ARFGEF2: variants seen among roughly 807,000 people sequenced by gnomAD.
The protein encoded by ARFGEF2 is ARF guanine nucleotide exchange factor 2, also known as brefeldin A-inhibited guanine nucleotide-exchange protein 2.
Under a neutral mutation model 219.9 loss-of-function variants are expected in ARFGEF2, and 74 were observed. That is an observed-to-expected ratio of 0.34 (90% CI 0.28 to 0.41). The LOEUF (loss-of-function observed/expected upper bound fraction) is 0.41. Ranked by LOEUF, ARFGEF2 falls within the 10% of genes least tolerant of loss-of-function variation. The pLI, the probability that ARFGEF2 is intolerant of heterozygous loss-of-function variation, is 1.00. For missense variants in ARFGEF2, 1,743 were observed against 2,218.3 expected (o/e 0.79, Z 4.30); for synonymous variants, 733 against 799.2 (o/e 0.92, Z 1.40).
intron 1 of ARFGEF2, 54 bp from the exon 2 acceptor site, chr20:48,941,145 C>G (rs2090990763): frequency 6.6e-7 from 1 of 1,523,308 alleles, no homozygotes; most frequent in African/African-American, 1.4e-5. Context: ...GTAAAGTTTT[C>G]CTTTACATAA....
At chr20:48,955,797 G>A (rs2091101978) in intron 6 of ARFGEF2, among the ~76,000 whole-genome samples, 1 of 152,184 alleles carries the variant, frequency 6.6e-6, no homozygotes, top group Admixed American at 6.5e-5. Flanking sequence ...AGTGGGCTGG[G>A]TGCCATGGCA....
chr20:48,942,051 A>G (rs1330886319), intron 3 of ARFGEF2, 64 bp downstream of exon 3: 8 of 1,605,764 alleles, frequency 5.0e-6, no homozygotes, highest in Non-Finnish European at 8.5e-7. Context: ...GTCCTTACAC[A>G]GAACTATGCT....
intron 23 of ARFGEF2, among the ~76,000 whole-genome samples, chr20:48,996,738 G>A (rs1267180881): frequency 1.7e-5 from 2 of 116,894 alleles, no homozygotes; most frequent in African/African-American, 6.7e-5. Context: ...ACGAGACTCC[G>A]TCTAAAAAAA....
At chr20:49,026,634 G>A (rs552731886) in intron 36 of ARFGEF2, among the ~76,000 whole-genome samples, 18 of 146,556 alleles carry the variant, frequency 1.2e-4, no homozygotes, top group Non-Finnish European at 1.9e-4. Context: ...TGCCCAGGCT[G>A]GAGTGCAGTG....
intron 33 of ARFGEF2, among the ~76,000 whole-genome samples, chr20:49,017,971 A>G (rs2091541430): frequency 6.6e-6 from 1 of 152,192 alleles, no homozygotes; most frequent in Non-Finnish European, 1.5e-5. Flanking sequence ...TCAACATTGT[A>G]AATAGTGCTT....
At chr20:49,017,795 A>C (rs981273297) in intron 33 of ARFGEF2, among the ~76,000 whole-genome samples, 3 of 152,232 alleles carry the variant, frequency 2.0e-5, no homozygotes, top group Admixed American at 6.5e-5. Flanking sequence ...GTGCATGCCT[A>C]GGAAAACCAG....
rs181646577 is a variant in ARFGEF2, at chr20:49,034,762, C to T, written c.*1563C>T. On this transcript the variant is annotated 3_prime_UTR_variant, in exon 39 of 39. Coordinates refer to ENST00000371917, the MANE Select transcript of ARFGEF2 (RefSeq NM_006420.3). ...CTGGTGCTTTTGCTTACTAAGAGAC[C>T]GATATTCTTAAGTTGTTTTCTTGTT... The T allele has an allele frequency of 4.0e-4, 61 of 152,108 alleles. No individual in the cohort carries two copies. The highest frequency in any genetic ancestry group is 3.3e-3 in the Admixed American group (51 of 15,264). 9.4% of individuals were successfully genotyped at this position (152,108 alleles called of 1,614,324 possible). A position where few individuals can be genotyped will look rare whatever the true frequency, so the allele number is the denominator to read the frequency against.
chr20:48,972,654 C>A (rs1182249187), intron 11 of ARFGEF2, among the ~76,000 whole-genome samples: 3 of 152,162 alleles, frequency 2.0e-5, no homozygotes. Context: ...CCCAGAAACC[C>A]CCTAATCTCG....
chr20:48,987,912 C>T (rs562393863), intron 16 of ARFGEF2, among the ~76,000 whole-genome samples: 3 of 152,210 alleles, frequency 2.0e-5, no homozygotes, highest in Non-Finnish European at 2.9e-5. Context: ...CTCAGTCTCC[C>T]GAATAGCTGG....
At chr20:48,957,221 AC>A (rs1334095273) in intron 6 of ARFGEF2, among the ~76,000 whole-genome samples, 20 of 152,080 alleles carry the variant, frequency 1.3e-4, no homozygotes, top group Admixed American at 1.1e-3. Flanking sequence ...CTTGTTGCCA[AC>A]CCTGATAACT....
intron 27 of ARFGEF2, 98 bp from the exon 28 acceptor site, chr20:49,011,826 G>GT: frequency 2.4e-6 from 3 of 1,270,734 alleles, no homozygotes; most frequent in East Asian, 4.6e-5. Flanking sequence ...AATTATCTCT[G>GT]ATGTATGTGT....
At chr20:48,949,016 A>G (rs2091048694) in intron 3 of ARFGEF2, among the ~76,000 whole-genome samples, 1 of 152,248 alleles carries the variant, frequency 6.6e-6, no homozygotes, top group Admixed American at 6.5e-5. Flanking sequence ...TTGTATCCCC[A>G]GTGCCCAGAA....
At chr20:49,004,620 G>T (rs1177655760) in intron 25 of ARFGEF2, among the ~76,000 whole-genome samples, 1 of 151,718 alleles carries the variant, frequency 6.6e-6, no homozygotes, top group African/African-American at 2.4e-5. Flanking sequence ...GGCCAACATG[G>T]TGAAACCCCA....
Position 48,988,305 on chromosome 20 carries a change from C to A in ARFGEF2, c.2278C>A (p.Gln760Lys), listed in dbSNP as rs763256205. 4.3e-6 allele frequency: 7 copies of A among 1,613,038 alleles called. No individual in the cohort carries two copies. The highest frequency in any genetic ancestry group is 5.9e-6 in the Non-Finnish European group (7 of 1,179,690). The change falls in exon 17 of 39, where the codon CAA (glutamine) becomes AAA (lysine). Residue 760 changes from glutamine to lysine, a missense_variant and splice_region_variant. Coordinates refer to ENST00000371917, the MANE Select transcript of ARFGEF2 (RefSeq NM_006420.3). The part of the protein sequence containing the change: ...AARYIECNQG[Q>K]TLFASADTAY... ...GATGTCTCGAATTTTTTTCTCCAGG[C>A]AAACTCTGTTTGCTAGTGCTGACAC...
At position 48,940,934 on chromosome 20, in the gene ARFGEF2, A is replaced by G. The variant is rs567428223; in HGVS notation, c.122-265A>G. The stretch of plus-strand genomic sequence containing the variant: ...AGAAATCCTCCTCTAAATGAGATGG[A>G]TATAATAAGAGTATGGACCTCATAG... On this transcript the variant is annotated intron_variant, in intron 1 of 38. Transcript: ENST00000371917. Among the ~76,000 whole-genome samples the G allele has an allele frequency of 2.6e-5, 4 of 152,332 alleles. No individual in the cohort carries two copies. The East Asian group carries it at 5.8e-4, about 22-fold the overall frequency.
At chr20:48,998,996 G>A (rs1451913606) in intron 25 of ARFGEF2, among the ~76,000 whole-genome samples, 3 of 152,244 alleles carry the variant, frequency 2.0e-5, no homozygotes, top group Middle Eastern at 3.4e-3. Context: ...CCAGCACTTC[G>A]AGAGGCCAAG....
chr20:48,933,097 C>A (rs2090923134), intron 1 of ARFGEF2, among the ~76,000 whole-genome samples: 1 of 152,144 alleles, frequency 6.6e-6, no homozygotes, highest in South Asian at 2.1e-4. Context: ...CGGTAACATC[C>A]AGAAAGGATT....
At chr20:48,933,834 A>G (rs1309759675) in intron 1 of ARFGEF2, among the ~76,000 whole-genome samples, 1 of 152,050 alleles carries the variant, frequency 6.6e-6, no homozygotes, top group African/African-American at 2.4e-5. Flanking sequence ...GATTCAGGGA[A>G]GTTGGCCGGG....
chr20:48,924,291 C>T (rs1202771635), intron 1 of ARFGEF2, among the ~76,000 whole-genome samples: 1 of 152,008 alleles, frequency 6.6e-6, no homozygotes, highest in African/African-American at 2.4e-5. Flanking sequence ...AGGCAGATCA[C>T]GAGGTCAGGA....
Sources: gnomAD v4.1 joint callset for allele counts (sites outside exome capture counted in the v4.1 genomes callset) on GRCh38, gnomAD v4.1.1 for gene constraint, MANE v1.5 for transcripts, NCBI Gene and HGNC (gene_info 2026-07-23, HGNC 2026-07-21) for gene names.